EXOC2: variants seen among roughly 807,000 people sequenced by gnomAD.
EXOC2 encodes SEC5-like 1.
A neutral mutation model predicts 131.8 loss-of-function variants in EXOC2; 70 were observed. That is an observed-to-expected ratio of 0.53 (90% confidence interval 0.44 to 0.65). The LOEUF is 0.65. EXOC2 is among the 30% of genes least tolerant of loss of function. EXOC2 has a pLI of 0.00. For synonymous variants in EXOC2, 411 were observed against 398.4 expected, an observed-to-expected ratio of 1.03 and a Z score of -0.38; for missense variants, 923 against 1,108.6, an observed-to-expected ratio of 0.83 and a Z score of 2.38.
At chr6:668,769 T>C (rs1258471310) in intron 1 of EXOC2, among the ~76,000 whole-genome samples, 1 of 152,192 alleles carries the variant, frequency 6.6e-6, no homozygotes, top group Non-Finnish European at 1.5e-5. Context: ...TGCATAGTAT[T>C]TGCATATAAC....
intron 1 of EXOC2, among the ~76,000 whole-genome samples, chr6:682,530 C>T (rs1317136053): frequency 2.0e-5 from 3 of 152,182 alleles, no homozygotes; most frequent in Non-Finnish European, 2.9e-5. Flanking sequence ...TTCATTTCCA[C>T]ACATGATTAC....
chr6:653,562 G>C (rs1422301877), intron 1 of EXOC2, among the ~76,000 whole-genome samples: 1 of 152,246 alleles, frequency 6.6e-6, no homozygotes, highest in African/African-American at 2.4e-5. Context: ...GCTTAGAGAA[G>C]TGAGGAAGCT....
intron 12 of EXOC2, among the ~76,000 whole-genome samples, chr6:574,296 T>C (rs1204750106): frequency 2.0e-5 from 3 of 152,218 alleles, no homozygotes; most frequent in Admixed American, 6.5e-5. Flanking sequence ...ATAGATATTA[T>C]TGAACTGCCC....
chr6:601,241 TGTA>T (rs1760117796), intron 7 of EXOC2, among the ~76,000 whole-genome samples: 3 of 146,214 alleles, frequency 2.1e-5, no homozygotes, highest in African/African-American at 7.7e-5. Flanking sequence ...GAACACCCCG[TGTA>T]CGAATCCACA....
At position 658,664 on chromosome 6, in the gene EXOC2, TA is replaced by T. The variant is rs377633105; in HGVS notation, c.-43-20804del. Among the ~76,000 whole-genome samples, 67 of 56,502 alleles carry T rather than the reference TA, an allele frequency of 1.2e-3. No homozygotes were observed. In the East Asian group the frequency reaches 0.026, roughly 22 times the overall value. 37.1% of individuals were successfully genotyped at this position (56,502 alleles called of 152,430 possible). On this transcript the variant is annotated intron_variant, in intron 1 of 27. Transcript: ENST00000230449. ...TATATTTTATATATATATATATATA[TA>T]TTTTTTTTTTTTTTAGACGAAGTCT...
chr6:637,587 G>T, intron 2 of EXOC2, 114 bp downstream of exon 2: 1 of 761,368 alleles, frequency 1.3e-6, no homozygotes, highest in South Asian at 2.1e-5. Flanking sequence ...ATTCTGTAGA[G>T]ATCACAAAGA....
intron 11 of EXOC2, among the ~76,000 whole-genome samples, chr6:584,546 AG>A (rs983544794): frequency 6.6e-6 from 1 of 152,244 alleles, no homozygotes; most frequent in African/African-American, 2.4e-5. Context: ...AATTATTAAA[AG>A]GGTAGATGTT....
chr6:609,957 G>T (rs1003457851), intron 7 of EXOC2, 141 bp downstream of exon 7: 6 of 619,262 alleles, frequency 9.7e-6, no homozygotes, highest in Non-Finnish European at 1.7e-5. Flanking sequence ...ATTCTCCTTT[G>T]TGTTCATTAA....
At chr6:520,953 C>T (rs1201846977) in intron 23 of EXOC2, among the ~76,000 whole-genome samples, 1 of 146,014 alleles carries the variant, frequency 6.8e-6, no homozygotes, top group Non-Finnish European at 1.5e-5. Flanking sequence ...TCACCGTCCA[C>T]ACTCGGAGAT....
intron 22 of EXOC2, among the ~76,000 whole-genome samples, chr6:542,506 G>A (rs551303503): frequency 1.7e-4 from 26 of 152,248 alleles, no homozygotes; most frequent in Admixed American, 3.3e-4. Flanking sequence ...TTTGGTGGAC[G>A]ATCAAGATTT....
chr6:654,533 C>T (rs1343729865), intron 1 of EXOC2, among the ~76,000 whole-genome samples: 2 of 152,086 alleles, frequency 1.3e-5, no homozygotes, highest in African/African-American at 4.8e-5. Context: ...GGCATGGTGG[C>T]TCATGCCTGT....
At chr6:638,144 C>G (rs1014736640) in intron 1 of EXOC2, among the ~76,000 whole-genome samples, 3 of 152,172 alleles carry the variant, frequency 2.0e-5, no homozygotes, top group Admixed American at 6.5e-5. Context: ...AATGTCACCA[C>G]GTAGCTCCAT....
Position 622,774 on chromosome 6 carries a change from T to G in EXOC2, c.423-3231A>C, listed in dbSNP as rs529739778. Among the ~76,000 whole-genome samples the G allele has an allele frequency of 5.9e-5, 9 of 152,356 alleles. No individual in the cohort carries two copies. The South Asian group carries it at 1.7e-3, about 28-fold the overall frequency. ...GTTACAATGCTTAAATTGGTGGTAC[T>G]GATGGTACTGAACAATGTAAACCAG... is the stretch of plus-strand genomic sequence containing the variant. On this transcript the variant is annotated intron_variant, in intron 4 of 27. Transcript: ENST00000230449.
chr6:508,036 CTATGAA>C (rs751872586), intron 23 of EXOC2, among the ~76,000 whole-genome samples: 1 of 152,156 alleles, frequency 6.6e-6, no homozygotes, highest in African/African-American at 2.4e-5. Context: ...AGATCTTTTC[CTATGAA>C]TATATTTTTT....
intron 1 of EXOC2, among the ~76,000 whole-genome samples, chr6:678,826 C>G (rs1764271796): frequency 6.6e-6 from 1 of 152,170 alleles, no homozygotes; most frequent in African/African-American, 2.4e-5. Context: ...GAATTTTATT[C>G]TAAACAAACT....
At chr6:514,088 AGT>A (rs1765001305) in intron 23 of EXOC2, among the ~76,000 whole-genome samples, 1 of 152,344 alleles carries the variant, frequency 6.6e-6, no homozygotes, top group African/African-American at 2.4e-5. Context: ...GGCTGTAGAC[AGT>A]GTTTCGTCTG....
At chr6:542,322 A>C (rs1756602174) in intron 22 of EXOC2, among the ~76,000 whole-genome samples, 1 of 152,232 alleles carries the variant, frequency 6.6e-6, no homozygotes, top group African/African-American at 2.4e-5. Context: ...TCTAGAAAAG[A>C]AGTGCATCTC....
intron 1 of EXOC2, among the ~76,000 whole-genome samples, chr6:684,007 G>C: frequency 6.6e-6 from 1 of 152,204 alleles, no homozygotes; most frequent in East Asian, 1.9e-4. Flanking sequence ...TCCGGCATCC[G>C]AAATAAATTA....
rs1380233037 is a variant in EXOC2 at position 506,175 on chromosome 6, T to C, written c.2381-6475A>G. The stretch of plus-strand genomic sequence containing the variant: ...AGAATATTGCTGAGGCTTAATCTAT[T>C]TGCTTTCCAAAATATGCTTTATTTT... On this transcript the variant is annotated intron_variant, in intron 23 of 27. Transcript: ENST00000230449. This position sits in a 1 kb window ranked among gnomAD's most constrained non-coding sequence, Gnocchi z 4.4. Among the ~76,000 whole-genome samples the C allele has an allele frequency of 1.3e-5, 2 of 152,250 alleles. No homozygotes were observed. Among genetic ancestry groups the C allele is most frequent in the African/African-American group, 2.4e-5 (1 of 41,474 alleles).
Sources: allele counts gnomAD v4.1 joint callset (sites outside exome capture counted in the v4.1 genomes callset), GRCh38; gene constraint gnomAD v4.1.1; non-coding constraint Gnocchi (gnomAD v3.1); transcripts MANE v1.5; gene names NCBI Gene and HGNC (gene_info 2026-07-23, HGNC 2026-07-21).